The following SKI variants were observed in gnomAD, a reference collection of about 807,000 sequenced individuals.
The protein encoded by SKI is ski oncogene.
SKI carries 23 observed loss-of-function variants against 59.3 expected under a neutral mutation model. That is an observed-to-expected ratio of 0.39 (90% CI 0.28 to 0.55). The LOEUF is 0.55. Ranked by LOEUF, SKI falls within the 20% of genes least tolerant of loss-of-function variation. The probability of loss-of-function intolerance (pLI) is 0.67; values close to 1 mark genes in which losing one functional copy is unlikely to be tolerated. For synonymous variants in SKI, 673 were observed against 488.6 expected, an observed-to-expected ratio of 1.38 and a Z score of -4.98; for missense variants, 1,017 against 1,038.9, an observed-to-expected ratio of 0.98 and a Z score of 0.29.
At chr1:2,247,316 G>A (rs894685863) in intron 1 of SKI, among the ~76,000 whole-genome samples, 3 of 112,302 alleles carry the variant, frequency 2.7e-5, no homozygotes, top group Admixed American at 7.9e-5. Context: ...GGTCAGGGGC[G>A]CCCTCAGCCT....
intron 1 of SKI, among the ~76,000 whole-genome samples, chr1:2,236,920 G>A (rs72637886): frequency 0.036 from 5,490 of 152,304 alleles, 130 homozygotes; most frequent in Non-Finnish European, 0.056. Flanking sequence ...AACAGCTCCT[G>A]TTCTAGGCTT....
At chr1:2,277,384 C>T (rs1209682540) in intron 1 of SKI, among the ~76,000 whole-genome samples, 1 of 152,156 alleles carries the variant, frequency 6.6e-6, no homozygotes, top group Non-Finnish European at 1.5e-5. Context: ...GCAATTGAAT[C>T]ATCGGGCTGG....
In SKI at chr1:2,309,014, A is replaced by G. The variant is rs1640673625; in HGVS notation, c.*2249A>G. The G allele has an allele frequency of 6.6e-6, 1 of 152,250 alleles. No individual in the cohort carries two copies. The highest frequency in any genetic ancestry group is 1.5e-5 in the Non-Finnish European group (1 of 68,076). 9.4% of individuals were successfully genotyped at this position (152,250 alleles called of 1,614,324 possible). The stretch of plus-strand genomic sequence containing the variant: ...CTGCAGCTGCCAGGCCCGTGCGGTC[A>G]GTGGGACCCGGACGTGGGCAGGCGA... On this transcript the variant is annotated 3_prime_UTR_variant, in exon 7 of 7. Transcript: ENST00000378536.
chr1:2,307,637 T>C lies in SKI; in HGVS notation c.*872T>C, dbSNP rs1252340600. 1 of 152,544 alleles carries C rather than the reference T, an allele frequency of 6.6e-6. No individual in the cohort carries two copies. The highest frequency in any genetic ancestry group is 1.5e-5 in the Non-Finnish European group (1 of 68,052). 9.4% of individuals were successfully genotyped at this position (152,544 alleles called of 1,614,324 possible). ...TTCAGTTCGGCAAACGTCGCTCCCT[T>C]CATTTTGGGACTGAGGCTGCAGCAT... On this transcript the variant is annotated 3_prime_UTR_variant, in exon 7 of 7. Transcript: ENST00000378536.
At chr1:2,263,801 T>C (rs1200171625) in intron 1 of SKI, among the ~76,000 whole-genome samples, 1 of 147,074 alleles carries the variant, frequency 6.8e-6, no homozygotes, top group African/African-American at 2.5e-5. Context: ...AATATGGTGG[T>C]GAGATGGTTC....
rs1042325751 is a variant in SKI at position 2,263,687 on chromosome 1, T to C, written c.969+33952T>C. ...TTTCCTCCTAAGTTTTCTGAAGAAT[T>C]TTTTCTTTTAAAAATGTTTGGTGGG... On this transcript the variant is annotated intron_variant, in intron 1 of 6. Coordinates refer to ENST00000378536, the MANE Select transcript of SKI (RefSeq NM_003036.4). Among the ~76,000 whole-genome samples, 65 of 151,846 alleles carry C rather than the reference T, an allele frequency of 4.3e-4. 1 individual carries two copies. Among genetic ancestry groups the C allele is most frequent in the Middle Eastern group, 3.2e-3 (1 of 316 alleles).
At chr1:2,240,531 G>T (rs1638847440) in intron 1 of SKI, 2 of 985,454 alleles carry the variant, frequency 2.0e-6, no homozygotes, top group African/African-American at 3.5e-5. Context: ...GGGCAAGGCT[G>T]CGGGACTGGG....
In SKI at chr1:2,269,814, G is replaced by A. The variant is rs1639577270; in HGVS notation, c.970-33164G>A. ...TGGCTGGCGTGGGTCTGGCGGGTCT[G>A]GTGGTGCCTGTGGCTGGCGTGGGTC... On this transcript the variant is annotated intron_variant, in intron 1 of 6. Transcript: ENST00000378536. The surrounding 1 kb of genome is among the most constrained non-coding windows in gnomAD (Gnocchi z 4.7). Among the ~76,000 whole-genome samples the A allele has an allele frequency of 6.6e-6, 1 of 151,172 alleles. No homozygotes were observed. The highest frequency in any genetic ancestry group is 2.1e-4 in the South Asian group (1 of 4,756).
At position 2,303,440 on chromosome 1, in the gene SKI, G is replaced by A; in HGVS notation, c.1211+40G>A. 6.5e-7 allele frequency: 1 copy of A among 1,535,722 alleles called. No homozygotes were observed. The highest frequency in any genetic ancestry group is 9.0e-7 in the Non-Finnish European group (1 of 1,113,918). ...TTCACAGGTGTTTCTGATCACGGGGGAGGCTCCACGAGGGCTGTGCATGCG... is the reference window on the plus strand; with the variant it reads ...TTCACAGGTGTTTCTGATCACGGGGAAGGCTCCACGAGGGCTGTGCATGCG... On this transcript the variant is annotated intron_variant, in intron 3 of 6. Coordinates refer to ENST00000378536, the MANE Select transcript of SKI (RefSeq NM_003036.4). This position sits in a 1 kb window ranked among gnomAD's most constrained non-coding sequence, Gnocchi z 5.6.
intron 1 of SKI, among the ~76,000 whole-genome samples, chr1:2,272,563 C>T (rs1383767585): frequency 6.6e-6 from 1 of 152,194 alleles, no homozygotes; most frequent in African/African-American, 2.4e-5. Context: ...TCGGGGAAGC[C>T]CTTTGTGACT....
intron 1 of SKI, among the ~76,000 whole-genome samples, chr1:2,244,440 C>T (rs138372822): frequency 1.8e-3 from 279 of 152,166 alleles, no homozygotes; most frequent in African/African-American, 5.5e-3. Context: ...ATTACCTGGG[C>T]GTGGTGGTGT....
chr1:2,299,329 G>A (rs986279905), intron 1 of SKI, among the ~76,000 whole-genome samples: 21 of 152,162 alleles, frequency 1.4e-4, no homozygotes, highest in African/African-American at 4.6e-4. Flanking sequence ...AGTGAGAGGC[G>A]CTGAGGCCAC....
rs756829248 is a variant in SKI at position 2,304,096 on chromosome 1, G to A, written c.1468G>A (p.Glu490Lys). The A allele has an allele frequency of 6.2e-7, 1 of 1,612,580 alleles. No individual in the cohort carries two copies. Among genetic ancestry groups the A allele is most frequent in the South Asian group, 1.1e-5 (1 of 91,056 alleles). Residue 490 changes from glutamate to lysine, a missense_variant, in exon 4 of 7, where the codon GAG (glutamate) becomes AAG (lysine). Transcript: ENST00000378536. ...GGCGGAGGTGGAAGTTGAAAGCAGG[G>A]AGGAATGTACGTGTGAGTCGCTTTC... ...SEAEVEVESR[E>K]EFTSSLSSLS...
chr1:2,250,523 T>TC (rs1350497027), intron 1 of SKI, among the ~76,000 whole-genome samples: 1 of 152,178 alleles, frequency 6.6e-6, no homozygotes, highest in Non-Finnish European at 1.5e-5. Context: ...ACGTGGTGAG[T>TC]CCCCATTCCC....
intron 1 of SKI, among the ~76,000 whole-genome samples, chr1:2,263,717 C>T (rs1639437035): frequency 6.6e-6 from 1 of 151,318 alleles, no homozygotes; most frequent in African/African-American, 2.4e-5. Context: ...GGTGGGGGGA[C>T]TGGGCGCGGT....
intron 1 of SKI, among the ~76,000 whole-genome samples, chr1:2,291,320 G>A (rs1479908932): frequency 6.6e-6 from 1 of 152,234 alleles, no homozygotes; most frequent in Non-Finnish European, 1.5e-5. Flanking sequence ...CCACTCCTTT[G>A]TGGTCGGCCC....
chr1:2,259,626 C>T (rs1639341281), intron 1 of SKI, among the ~76,000 whole-genome samples: 1 of 152,178 alleles, frequency 6.6e-6, no homozygotes, highest in Non-Finnish European at 1.5e-5. Context: ...TATGCAAACA[C>T]ATATAAAACA....
chr1:2,310,006 C>G lies in SKI; in HGVS notation c.*3241C>G, dbSNP rs779276705. On this transcript the variant is annotated 3_prime_UTR_variant, in exon 7 of 7. Transcript: ENST00000378536. Reference sequence around the variant, plus strand: ...CATCACCCAGACCCCCGCCCCTGCCCGTGCCCCACGCTGCTGCTAACGACA... The same window carrying G: ...CATCACCCAGACCCCCGCCCCTGCCGGTGCCCCACGCTGCTGCTAACGACA... 6.7e-6 allele frequency: 1 copy of G among 149,682 alleles called. No homozygotes were observed. Among genetic ancestry groups the G allele is most frequent in the Admixed American group, 6.7e-5 (1 of 14,966 alleles). The allele number at this position is 149,682 out of a possible 1,614,324, so 9.3% of individuals were successfully genotyped here.
At chr1:2,238,791 C>G (rs1638804406) in intron 1 of SKI, among the ~76,000 whole-genome samples, 1 of 152,244 alleles carries the variant, frequency 6.6e-6, no homozygotes, top group African/African-American at 2.4e-5. Context: ...TGCAGAACCT[C>G]CGCTGTCAGC....
Sources: gnomAD v4.1 joint callset for allele counts (sites outside exome capture counted in the v4.1 genomes callset) on GRCh38, gnomAD v4.1.1 for gene constraint, Gnocchi (gnomAD v3.1) non-coding constraint, MANE v1.5 for transcripts, NCBI Gene and HGNC (gene_info 2026-07-23, HGNC 2026-07-21) for gene names.